OTUB2: variants seen among roughly 807,000 people sequenced by gnomAD.
OTUB2 encodes the protein ubiquitin thioesterase OTUB2.
OTUB2 carries 21 observed loss-of-function variants against 25.1 expected under a neutral mutation model. That is an observed-to-expected ratio of 0.84 (90% CI 0.59 to 1.21). The LOEUF (loss-of-function observed/expected upper bound fraction) is 1.21. OTUB2 is among the 50% of genes most tolerant of loss of function. The probability of loss-of-function intolerance (pLI) is 0.00; values close to 1 mark genes in which losing one functional copy is unlikely to be tolerated. For missense variants in OTUB2, 283 were observed against 298.0 expected (o/e 0.95, Z 0.37); for synonymous variants, 122 against 122.8 (o/e 0.99, Z 0.04).
rs1885320308 is a variant in OTUB2 at position 94,048,358 on chromosome 14, T to A, written c.*2436T>A. 6.6e-6 allele frequency: 1 copy of A among 152,334 alleles called. No homozygotes were observed. 9.4% of individuals were successfully genotyped at this position (152,334 alleles called of 1,614,324 possible). A position where few individuals can be genotyped will look rare whatever the true frequency, so the allele number is the denominator to read the frequency against. ...AAACTTTTAAATCAATGGGAACAATTAGCAACAGAAAGAGCACAGTCCCTG... is the reference window on the plus strand; with the variant it reads ...AAACTTTTAAATCAATGGGAACAATAAGCAACAGAAAGAGCACAGTCCCTG... On this transcript the variant is annotated 3_prime_UTR_variant, in exon 6 of 6. Transcript: ENST00000203664.
intron 3 of OTUB2, among the ~76,000 whole-genome samples, chr14:94,043,658 C>CT (rs35108509): frequency 0.041 from 6,281 of 152,302 alleles, 358 homozygotes; most frequent in African/African-American, 0.12. Context: ...ATTATCATGA[C>CT]TGAGTCAAGC....
Position 94,045,951 on chromosome 14 carries a change from T to C in OTUB2, c.*29T>C. On this transcript the variant is annotated 3_prime_UTR_variant, in exon 6 of 6. Transcript: ENST00000203664. ...ATTTTAGGCCATGCAGTGGAACCTG[T>C]CACCTAATGGGACTGCATTCTGAAT... The C allele has an allele frequency of 6.2e-7, 1 of 1,601,388 alleles. No homozygotes were observed. Among genetic ancestry groups the C allele is most frequent in the East Asian group, 2.2e-5 (1 of 44,836 alleles).
At chr14:94,037,581 G>T in intron 2 of OTUB2, 106 bp downstream of exon 2, 1 of 640,028 alleles carries the variant, frequency 1.6e-6, no homozygotes, top group Non-Finnish European at 2.6e-6. Flanking sequence ...CAGGTTCCTG[G>T]GCAAATGAAA....
intron 5 of OTUB2, among the ~76,000 whole-genome samples, chr14:94,045,354 C>T (rs1885251153): frequency 2.0e-5 from 3 of 152,108 alleles, no homozygotes; most frequent in Admixed American, 2.0e-4. Flanking sequence ...TGAAAGGCAC[C>T]CCTGGATGAC....
intron 4 of OTUB2, 115 bp from the exon 5 acceptor site, chr14:94,044,471 T>C (rs895074173): frequency 9.3e-7 from 1 of 1,075,784 alleles, no homozygotes; most frequent in South Asian, 1.6e-5. Context: ...AACCTGAGAA[T>C]CTACAAATGA....
rs1595363703 is a variant in OTUB2, at chr14:94,026,437, G to C, written c.-101G>C. The C allele has an allele frequency of 6.1e-6, 8 of 1,302,904 alleles. No homozygotes were observed. Among genetic ancestry groups the C allele is most frequent in the Non-Finnish European group, 7.8e-6 (8 of 1,024,994 alleles). 80.7% of individuals were successfully genotyped at this position (1,302,904 alleles called of 1,614,324 possible). A position where few individuals can be genotyped will look rare whatever the true frequency, so the allele number is the denominator to read the frequency against. On this transcript the variant is annotated 5_prime_UTR_variant, in exon 1 of 6. Coordinates refer to ENST00000203664, the MANE Select transcript of OTUB2 (RefSeq NM_023112.4). ...CCGCCCCCACGCCCTCGAGGTCCCC[G>C]CCACCGAACCAGCGGCGGAGCCCGC... is the stretch of plus-strand genomic sequence containing the variant.
At chr14:94,043,762 A>G (rs1885206799) in intron 3 of OTUB2, among the ~76,000 whole-genome samples, 2 of 152,192 alleles carry the variant, frequency 1.3e-5, no homozygotes, top group African/African-American at 2.4e-5. Flanking sequence ...CACACACACA[A>G]TGCAGCTCAG....
In OTUB2 at chr14:94,047,558, TG is replaced by T. The variant is rs1234461283; in HGVS notation, c.*1638del. On this transcript the variant is annotated 3_prime_UTR_variant, in exon 6 of 6. Coordinates refer to ENST00000203664, the MANE Select transcript of OTUB2 (RefSeq NM_023112.4). ...CCACCATGGTCTATGAGAAGTACAC[TG>T]GAAGCGTGGGGGGAACACATGACAT... The T allele has an allele frequency of 6.6e-6, 1 of 152,238 alleles. No individual in the cohort carries two copies. The highest frequency in any genetic ancestry group is 1.5e-5 in the Non-Finnish European group (1 of 68,044). The allele number at this position is 152,238 out of a possible 1,614,324, so 9.4% of individuals were successfully genotyped here. A position where few individuals can be genotyped will look rare whatever the true frequency, so the allele number is the denominator to read the frequency against.
At chr14:94,043,366 C>G (rs374850421) in intron 3 of OTUB2, among the ~76,000 whole-genome samples, 4 of 152,226 alleles carry the variant, frequency 2.6e-5, no homozygotes, top group East Asian at 3.9e-4. Flanking sequence ...TACCTCGTTG[C>G]TGCCACTAAA....
rs1397075629 is a variant in OTUB2 at position 94,039,036 on chromosome 14, A to G, written c.173A>G (p.Tyr58Cys). The change falls in exon 3 of 6, where the codon TAT (tyrosine) becomes TGT (cysteine). Residue 58 changes from tyrosine to cysteine, a missense_variant. Transcript: ENST00000203664. ...AACTGCTTCTACAGGGCCTTGGGCTATTCCTACCTGGAGTCCCTGCTGGGG... is the reference window on the plus strand; with the variant it reads ...AACTGCTTCTACAGGGCCTTGGGCTGTTCCTACCTGGAGTCCCTGCTGGGG... ...DGNCFYRALG[Y>C]SYLESLLGKS... 4 of 1,614,210 alleles carry G rather than the reference A, an allele frequency of 2.5e-6. No individual in the cohort carries two copies. The highest frequency in any genetic ancestry group is 3.4e-6 in the Non-Finnish European group (4 of 1,180,034).
At chr14:94,041,518 G>A (rs1329618031) in intron 3 of OTUB2, among the ~76,000 whole-genome samples, 8 of 151,512 alleles carry the variant, frequency 5.3e-5, no homozygotes, top group African/African-American at 1.7e-4. Context: ...GGCTGGCCTC[G>A]AACTCTTGGG....
At position 94,041,523 on chromosome 14, in the gene OTUB2, C is replaced by T. The variant is rs544064226; in HGVS notation, c.218+2442C>T. 9.2e-5 allele frequency among the ~76,000 whole-genome samples: 14 copies of T among 152,224 alleles called. No individual in the cohort carries two copies. The South Asian group carries it at 2.1e-3, about 23-fold the overall frequency. On this transcript the variant is annotated intron_variant, in intron 3 of 5. Transcript: ENST00000203664. ...ATGTTGCCTAGGCTGGCCTCGAACT[C>T]TTGGGCTCAGGCGGTCCTCCCTCCT...
In OTUB2 at chr14:94,046,181, G is replaced by C. The variant is rs1313133276; in HGVS notation, c.*259G>C. On this transcript the variant is annotated 3_prime_UTR_variant, in exon 6 of 6. Transcript: ENST00000203664. ...GCACCCCAGTTCGCAGTGAGGCCCTGGGTGGGTCACCTGCCCTCTCTGGAC... is the reference window on the plus strand; with the variant it reads ...GCACCCCAGTTCGCAGTGAGGCCCTCGGTGGGTCACCTGCCCTCTCTGGAC... 7 of 569,258 alleles carry C rather than the reference G, an allele frequency of 1.2e-5. No individual in the cohort carries two copies. The highest frequency in any genetic ancestry group is 1.9e-5 in the Non-Finnish European group (6 of 319,230). 35.3% of individuals were successfully genotyped at this position (569,258 alleles called of 1,614,324 possible).
At chr14:94,030,770 G>A (rs1197984639) in intron 1 of OTUB2, among the ~76,000 whole-genome samples, 1 of 149,306 alleles carries the variant, frequency 6.7e-6, no homozygotes, top group Non-Finnish European at 1.5e-5. Context: ...AGGTAGGCGC[G>A]ATGACGTAAT....
At chr14:94,039,919 G>A (rs1885127285) in intron 3 of OTUB2, among the ~76,000 whole-genome samples, 1 of 152,112 alleles carries the variant, frequency 6.6e-6, no homozygotes, top group South Asian at 2.1e-4. Flanking sequence ...CACTTCTTTG[G>A]CTGAGGCAGG....
rs1309925391 is a variant in OTUB2, at chr14:94,038,812, A to G, written c.100-151A>G. The G allele has an allele frequency of 1.2e-5, 9 of 776,186 alleles. No individual in the cohort carries two copies. In the East Asian group the frequency reaches 2.2e-4, roughly 19 times the overall value. The allele number at this position is 776,186 out of a possible 1,614,324, so 48.1% of individuals were successfully genotyped here. ...AGTGTATTTTTATATCAGGGGAATG[A>G]ACGAGGGTGGGAGGCTGAGGGGATA... is the stretch of plus-strand genomic sequence containing the variant. On this transcript the variant is annotated intron_variant, in intron 2 of 5. Coordinates refer to ENST00000203664, the MANE Select transcript of OTUB2 (RefSeq NM_023112.4).
intron 3 of OTUB2, among the ~76,000 whole-genome samples, chr14:94,039,578 T>C (rs1885120401): frequency 2.6e-5 from 4 of 151,526 alleles, no homozygotes; most frequent in Admixed American, 2.6e-4. Context: ...TATCTGAAGT[T>C]TGTACAAGGC....
At chr14:94,030,251 TG>T (rs1197626497) in intron 1 of OTUB2, among the ~76,000 whole-genome samples, 1 of 150,158 alleles carries the variant, frequency 6.7e-6, no homozygotes, top group African/African-American at 2.5e-5. Flanking sequence ...GATGGCAGCT[TG>T]GACCAATGGG....
chr14:94,039,053 C>T lies in OTUB2; in HGVS notation c.190C>T (p.Leu64=). The T allele has an allele frequency of 6.2e-7, 1 of 1,614,162 alleles. No individual in the cohort carries two copies. Among genetic ancestry groups the T allele is most frequent in the Non-Finnish European group, 8.5e-7 (1 of 1,180,018 alleles). The change falls in exon 3 of 6, where the codon CTG becomes TTG. Residue 64 remains leucine (L), a synonymous_variant. Transcript: ENST00000203664. ...RALGYSYLES[L]LGKSREIFKF... ...CTTGGGCTATTCCTACCTGGAGTCC[C>T]TGCTGGGGAAGAGCAGGGAGATCTT...
Sources: allele counts gnomAD v4.1 joint callset (sites outside exome capture counted in the v4.1 genomes callset), GRCh38; gene constraint gnomAD v4.1.1; transcripts MANE v1.5; gene names NCBI Gene and HGNC (gene_info 2026-07-23, HGNC 2026-07-21).